Variants in GOLGA8H observed in about 807,000 individuals in gnomAD.
The protein encoded by GOLGA8H is golgin A8 family member H.
GOLGA8H carries 47 observed loss-of-function variants against 82.7 expected under a neutral mutation model. The ratio of observed to expected loss-of-function variants is 0.57; its 90% CI spans 0.45 to 0.73. The LOEUF is 0.73. Ranked by LOEUF, GOLGA8H falls within the 30% of genes least tolerant of loss-of-function variation. GOLGA8H has a pLI of 0.00. For synonymous variants in GOLGA8H, 108 were observed against 241.6 expected, an observed-to-expected ratio of 0.45 and a Z score of 5.13; for missense variants, 372 against 661.0, an observed-to-expected ratio of 0.56 and a Z score of 4.79.
Position 30,610,296 on chromosome 15 carries a change from G to A in GOLGA8H, c.787-6G>A, listed in dbSNP as rs1342837178. The A allele has an allele frequency of 7.0e-6, 8 of 1,135,088 alleles. No individual in the cohort carries two copies. The highest frequency in any genetic ancestry group is 5.7e-4 in the Middle Eastern group (2 of 3,514). The allele number at this position is 1,135,088 out of a possible 1,614,324, so 70.3% of individuals were successfully genotyped here. A position where few individuals can be genotyped will look rare whatever the true frequency, so the allele number is the denominator to read the frequency against. On this transcript the variant is annotated splice_polypyrimidine_tract_variant and splice_region_variant and intron_variant, in intron 10 of 18. Coordinates refer to ENST00000566740, the MANE Select transcript of GOLGA8H (RefSeq NM_001282490.2). ...CCAAGGCCCTTTCCCCTTGTGCTTT[G>A]GGCAGATTTGCACATTAAAGAAAGA...
In GOLGA8H at chr15:30,610,344, G is replaced by A; in HGVS notation, c.829G>A (p.Val277Ile). Residue 277 changes from valine to isoleucine, a missense_variant, in exon 11 of 19, where the codon GTA becomes ATA. Physicochemically the swap from Val to Ile is conservative, Grantham distance 29 (BLOSUM62 3). Transcript: ENST00000566740. The stretch of plus-strand genomic sequence containing the variant: ...AGAGAAGCAGCAAGATATGCGTCGG[G>A]TAGAGAAGCTGGAGAGGAGCTTGTC... Reference protein sequence around the residue: ...KKEKQQDMRRVEKLERSLSKL... With the variant: ...KKEKQQDMRRIEKLERSLSKL... 1 of 1,462,084 alleles carries A rather than the reference G, an allele frequency of 6.8e-7. No individual in the cohort carries two copies. The highest frequency in any genetic ancestry group is 9.3e-7 in the Non-Finnish European group (1 of 1,071,342). 90.6% of individuals were successfully genotyped at this position (1,462,084 alleles called of 1,614,324 possible).
At chr15:30,611,469 C>T (rs1173992445) in intron 13 of GOLGA8H, 123 bp downstream of exon 13, 3 of 1,537,748 alleles carry the variant, frequency 2.0e-6, no homozygotes, top group Non-Finnish European at 2.6e-6. Context: ...CCACAGCACC[C>T]CGCAGGGCAG....
At chr15:30,605,664 T>A (rs1361311063) in intron 1 of GOLGA8H, among the ~76,000 whole-genome samples, 179 bp from the exon 2 acceptor site, 6 of 151,232 alleles carry the variant, frequency 4.0e-5, no homozygotes, top group African/African-American at 1.5e-4. Flanking sequence ...TTTTCTTTTT[T>A]TTTTCTAGCC....
rs1409245441 is a variant in GOLGA8H at position 30,608,060 on chromosome 15, C to A, written c.340C>A (p.Leu114Met). 1 of 1,587,646 alleles carries A rather than the reference C, an allele frequency of 6.3e-7. No homozygotes were observed. Among genetic ancestry groups the A allele is most frequent in the African/African-American group, 1.4e-5 (1 of 73,444 alleles). The change falls in exon 5 of 19, where the codon CTG becomes ATG. Residue 114 changes from leucine to methionine, a missense_variant. Physicochemically the swap from Leu to Met is conservative, Grantham distance 15 (BLOSUM62 2). Coordinates refer to ENST00000566740, the MANE Select transcript of GOLGA8H (RefSeq NM_001282490.2). Reference protein sequence around the residue: ...KQQKKQVEHQLEEEKKANNKK... With the variant: ...KQQKKQVEHQMEEEKKANNKK... ...ACAGAAGAAACAAGTGGAACATCAG[C>A]TGGAAGAAGTAACGTGATTTCGTTT...
At position 30,617,476 on chromosome 15, in the gene GOLGA8H, C is replaced by T. The variant is rs1316226460; in HGVS notation, c.*2915C>T. ...ATAATATAACTATTAAAAAATGTAA[C>T]TGCTATCTTAATGTTCTGAAATAAT... is the stretch of plus-strand genomic sequence containing the variant. On this transcript the variant is annotated 3_prime_UTR_variant, in exon 19 of 19. Transcript: ENST00000566740. The T allele has an allele frequency of 6.7e-6, 1 of 149,780 alleles. No individual in the cohort carries two copies. Among genetic ancestry groups the T allele is most frequent in the Non-Finnish European group, 1.5e-5 (1 of 67,498 alleles). 9.3% of individuals were successfully genotyped at this position (149,780 alleles called of 1,614,324 possible).
Position 30,610,906 on chromosome 15 carries a change from C to CAAGAAG in GOLGA8H, c.1017_1022dup (p.Glu340_Glu341dup). 1 of 830,544 alleles carries CAAGAAG rather than the reference C, an allele frequency of 1.2e-6. No homozygotes were observed. The highest frequency in any genetic ancestry group is 2.7e-5 in the East Asian group (1 of 36,864). 51.4% of individuals were successfully genotyped at this position (830,544 alleles called of 1,614,324 possible). On this transcript the variant is annotated inframe_insertion, in exon 12 of 19. Coordinates refer to ENST00000566740, the MANE Select transcript of GOLGA8H (RefSeq NM_001282490.2). Reference sequence around the variant, plus strand: ...GCGCATAAGTCTCCTGAACCAGCGACAAGAAGAGAGGATTCAGGAGCAGGA... The same window carrying CAAGAAG: ...GCGCATAAGTCTCCTGAACCAGCGACAAGAAGAAGAAGAGAGGATTCAGGAGCAGGA...
intron 15 of GOLGA8H, chr15:30,613,443 G>T (rs1176610414): frequency 9.9e-6 from 1 of 101,464 alleles, no homozygotes; most frequent in African/African-American, 4.6e-5. Flanking sequence ...CTCACATCTT[G>T]CCCTCAGGTG....
chr15:30,607,750 G>C, intron 4 of GOLGA8H: 1 of 604,298 alleles, frequency 1.7e-6, no homozygotes, highest in South Asian at 2.0e-5. Context: ...GTTGCCAGAA[G>C]GAGGGGCCTT....
rs1259376947 is a variant in GOLGA8H at position 30,616,862 on chromosome 15, G to T, written c.*2301G>T. 3 of 151,190 alleles carry T rather than the reference G, an allele frequency of 2.0e-5. No homozygotes were observed. Among genetic ancestry groups the T allele is most frequent in the Non-Finnish European group, 4.4e-5 (3 of 67,914 alleles). 9.4% of individuals were successfully genotyped at this position (151,190 alleles called of 1,614,324 possible). ...ATATCAGTGACTAGAATGACCTTCG[G>T]ATAGTGTTTAGCATCTGTAACCAAT... On this transcript the variant is annotated 3_prime_UTR_variant, in exon 19 of 19. Coordinates refer to ENST00000566740, the MANE Select transcript of GOLGA8H (RefSeq NM_001282490.2).
In GOLGA8H at chr15:30,605,789, G is replaced by A. The variant is rs1459838898; in HGVS notation, c.49-54G>A. On this transcript the variant is annotated intron_variant, in intron 1 of 18. Transcript: ENST00000566740. ...TTTTGTAAAAACTGTAAAGGAGGAT[G>A]TGGCTGCAGGGGCTGACGGTTCTCA... The A allele has an allele frequency of 6.3e-6, 10 of 1,587,306 alleles. No homozygotes were observed. The African/African-American group carries it at 6.7e-5, about 11-fold the overall frequency.
rs1193319081 is a variant in GOLGA8H at position 30,608,517 on chromosome 15, G to A, written c.447G>A (p.Leu149=). ...AGAAAGGGAAACTAAATACGGACCT[G>A]TACCACATGAAACGTTCTCTCAGAT... The part of the protein sequence containing the change: ...NIQKGKLNTD[L]YHMKRSLRYF... Residue 149 remains leucine (L), a synonymous_variant, in exon 7 of 19, where the codon CTG becomes CTA. Transcript: ENST00000566740. 2 of 1,610,848 alleles carry A rather than the reference G, an allele frequency of 1.2e-6. No individual in the cohort carries two copies. The highest frequency in any genetic ancestry group is 1.7e-5 in the Admixed American group (1 of 59,944).
rs1490192633 is a variant in GOLGA8H at position 30,617,193 on chromosome 15, A to C, written c.*2632A>C. On this transcript the variant is annotated 3_prime_UTR_variant, in exon 19 of 19. Coordinates refer to ENST00000566740, the MANE Select transcript of GOLGA8H (RefSeq NM_001282490.2). ...AGGCAACATTGGAATGTTAGAGTTC[A>C]TCAGAAACATAGAATTTTAAACTGT... 1 of 150,480 alleles carries C rather than the reference A, an allele frequency of 6.6e-6. No homozygotes were observed. Among genetic ancestry groups the C allele is most frequent in the African/African-American group, 2.5e-5 (1 of 40,714 alleles). 9.3% of individuals were successfully genotyped at this position (150,480 alleles called of 1,614,324 possible).
At chr15:30,607,689 A>C (rs976948339) in intron 4 of GOLGA8H, 11 of 566,704 alleles carry the variant, frequency 1.9e-5, no homozygotes, top group African/African-American at 1.9e-4. Context: ...TACCTGGTCC[A>C]TACATGCTCA....
chr15:30,616,231 ACACAT>A lies in GOLGA8H; in HGVS notation c.*1676_*1680del. ...GAAGTTCTAATGTCTGTGTTCCAAA[ACACAT>A]CACATTGTTAGGATGCAGGGAGATA... On this transcript the variant is annotated 3_prime_UTR_variant, in exon 19 of 19. Transcript: ENST00000566740. 6.6e-6 allele frequency among the ~76,000 whole-genome samples: 1 copy of A among 150,556 alleles called. No individual in the cohort carries two copies. The highest frequency in any genetic ancestry group is 3.4e-3 in the Middle Eastern group (1 of 294).
chr15:30,610,588 C>G (rs1326178262), intron 11 of GOLGA8H, among the ~76,000 whole-genome samples, 178 bp from the exon 12 acceptor site: 1 of 150,182 alleles, frequency 6.7e-6, no homozygotes, highest in East Asian at 1.9e-4. Context: ...GGGCCCGTTG[C>G]CAGCCACCCG....
At position 30,615,321 on chromosome 15, in the gene GOLGA8H, A is replaced by T. The variant is rs959848391; in HGVS notation, c.*760A>T. Among the ~76,000 whole-genome samples, 3 of 151,848 alleles carry T rather than the reference A, an allele frequency of 2.0e-5. No individual in the cohort carries two copies. The highest frequency in any genetic ancestry group is 2.9e-5 in the Non-Finnish European group (2 of 67,920). ...TAGGATTTGTATGTGCTCTGGGCTC[A>T]TGAAGATACTGCATCATGAGCTGCA... On this transcript the variant is annotated 3_prime_UTR_variant, in exon 19 of 19. Coordinates refer to ENST00000566740, the MANE Select transcript of GOLGA8H (RefSeq NM_001282490.2).
In GOLGA8H at chr15:30,608,480, C is replaced by T. The variant is rs769437169; in HGVS notation, c.410C>T (p.Thr137Ile). ...TTTCTCCCAAAGGTTCAAATCCAGA[C>T]ATTGAACATACAGAAAGGGAAACTA... is the stretch of plus-strand genomic sequence containing the variant. ...AKRVLEVQIQTLNIQKGKLNT... is the reference protein window; with the variant it reads ...AKRVLEVQIQILNIQKGKLNT... Residue 137 changes from threonine (T) to isoleucine (I), a missense_variant, in exon 7 of 19, where the codon ACA becomes ATA. By Grantham distance (89) the Thr-to-Ile change is moderately conservative (BLOSUM62 -1). Coordinates refer to ENST00000566740, the MANE Select transcript of GOLGA8H (RefSeq NM_001282490.2). 36 of 1,610,544 alleles carry T rather than the reference C, an allele frequency of 2.2e-5. No homozygotes were observed. The highest frequency in any genetic ancestry group is 4.0e-5 in the African/African-American group (3 of 74,296).
In GOLGA8H at chr15:30,614,271, C is replaced by T. The variant is rs1251035528; in HGVS notation, c.1693C>T (p.Gln565Ter). 1.5e-5 allele frequency: 23 copies of T among 1,541,434 alleles called. 1 individual carries two copies. Among genetic ancestry groups the T allele is most frequent in the East Asian group, 4.8e-5 (2 of 41,700 alleles). ...DEPGPGAPAP[Q>*]ELGAADKHGD... is the part of the protein sequence containing the mutation. ...GCCCGGTCCAGGAGCCCCAGCCCCC[C>T]AGGAGCTTGGGGCTGCAGACAAGCA... The change falls in exon 18 of 19, where the codon CAG (glutamine) becomes TAG (stop). Residue 565 changes from glutamine to a stop codon, truncating the protein, a stop_gained. Transcript: ENST00000566740. LOFTEE classifies it high-confidence loss of function.
At chr15:30,607,969 T>G in intron 4 of GOLGA8H, 61 bp from the exon 5 acceptor site, 1 of 1,596,050 alleles carries the variant, frequency 6.3e-7, no homozygotes, top group South Asian at 1.1e-5. Flanking sequence ...TACCACTTCC[T>G]GGTCTGGGGA....
Sources: gnomAD v4.1 joint callset for allele counts (sites outside exome capture counted in the v4.1 genomes callset) on GRCh38, gnomAD v4.1.1 for gene constraint, MANE v1.5 for transcripts, NCBI Gene and HGNC (gene_info 2026-07-23, HGNC 2026-07-21) for gene names.